SLC25A13: variants seen among roughly 807,000 people sequenced by gnomAD.
The protein encoded by SLC25A13 is solute carrier family 25 member 13.
A neutral mutation model predicts 85.5 loss-of-function variants in SLC25A13; 70 were observed. That is an observed-to-expected ratio of 0.82 (90% CI 0.68 to 1.00). SLC25A13 has a LOEUF of 1.00. SLC25A13 is among the 50% of genes least tolerant of loss of function. The probability of loss-of-function intolerance (pLI) is 0.00; values close to 1 mark genes in which losing one functional copy is unlikely to be tolerated. For synonymous variants in SLC25A13, 259 were observed against 288.7 expected, an observed-to-expected ratio of 0.90 and a Z score of 1.04; for missense variants, 765 against 819.8, an observed-to-expected ratio of 0.93 and a Z score of 0.82.
intron 15 of SLC25A13, among the ~76,000 whole-genome samples, chr7:96,123,318 T>C (rs890282364): frequency 6.6e-6 from 1 of 152,190 alleles, no homozygotes; most frequent in Non-Finnish European, 1.5e-5. Flanking sequence ...ACCCACTGTG[T>C]TCACACCACC....
At chr7:96,219,246 T>C (rs550202120) in intron 4 of SLC25A13, among the ~76,000 whole-genome samples, 38 of 152,266 alleles carry the variant, frequency 2.5e-4, no homozygotes, top group African/African-American at 8.4e-4. Context: ...TATAATCCCC[T>C]GTAAACTTTT....
At chr7:96,278,083 C>T (rs930240928) in intron 2 of SLC25A13, among the ~76,000 whole-genome samples, 29 of 152,150 alleles carry the variant, frequency 1.9e-4, no homozygotes, top group African/African-American at 7.0e-4. Flanking sequence ...CTAGGTCTGG[C>T]CTTTAATGTG....
chr7:96,132,117 C>T (rs1792059526), intron 14 of SLC25A13, among the ~76,000 whole-genome samples: 1 of 152,208 alleles, frequency 6.6e-6, no homozygotes, highest in Admixed American at 6.5e-5. Flanking sequence ...GGGCAGTTCT[C>T]ATTTATTCTA....
intron 4 of SLC25A13, among the ~76,000 whole-genome samples, chr7:96,229,031 G>T (rs566687611): frequency 6.6e-6 from 1 of 151,206 alleles, no homozygotes; most frequent in Non-Finnish European, 1.5e-5. Flanking sequence ...CCTCCCCAAC[G>T]GGTGCCGCCC....
At chr7:96,265,428 C>G (rs1356710161) in intron 3 of SLC25A13, among the ~76,000 whole-genome samples, 1 of 152,122 alleles carries the variant, frequency 6.6e-6, no homozygotes, top group Non-Finnish European at 1.5e-5. Flanking sequence ...GTCATTCTTT[C>G]AAATAAGAAT....
chr7:96,264,165 A>G (rs1197952051), intron 3 of SLC25A13, among the ~76,000 whole-genome samples: 1 of 152,042 alleles, frequency 6.6e-6, no homozygotes, highest in African/African-American at 2.4e-5. Flanking sequence ...GCTACATCCA[A>G]CCCTTACTAC....
intron 13 of SLC25A13, among the ~76,000 whole-genome samples, chr7:96,148,080 A>G (rs1275114995): frequency 1.3e-5 from 2 of 152,154 alleles, no homozygotes; most frequent in Non-Finnish European, 2.9e-5. Flanking sequence ...AACTCTCTAA[A>G]TCAAATTGTT....
intron 3 of SLC25A13, among the ~76,000 whole-genome samples, chr7:96,253,264 A>T (rs1235542481): frequency 1.3e-5 from 2 of 152,108 alleles, no homozygotes; most frequent in Non-Finnish European, 2.9e-5. Context: ...AGATGCCAGG[A>T]ATTGGGGAAG....
At chr7:96,225,518 G>C (rs970551173) in intron 4 of SLC25A13, among the ~76,000 whole-genome samples, 8 of 143,976 alleles carry the variant, frequency 5.6e-5, no homozygotes, top group Admixed American at 7.3e-5. Flanking sequence ...CTGGGTGACA[G>C]ACCTTGTTTC....
intron 1 of SLC25A13, among the ~76,000 whole-genome samples, chr7:96,309,987 A>G (rs1439706736): frequency 6.6e-6 from 1 of 152,188 alleles, no homozygotes; most frequent in East Asian, 1.9e-4. Context: ...CAGACAGAGA[A>G]GGAACCACAT....
intron 4 of SLC25A13, among the ~76,000 whole-genome samples, chr7:96,215,803 A>T (rs1386620649): frequency 6.6e-6 from 1 of 152,184 alleles, no homozygotes; most frequent in Non-Finnish European, 1.5e-5. Flanking sequence ...AACAGAAAAA[A>T]AAATAAATTA....
At chr7:96,219,514 T>C (rs1562852815) in intron 4 of SLC25A13, 1 of 330,138 alleles carries the variant, frequency 3.0e-6, no homozygotes, top group Non-Finnish European at 6.1e-6. Flanking sequence ...CTTATGAAAC[T>C]AGTCACCTTT....
intron 5 of SLC25A13, among the ~76,000 whole-genome samples, chr7:96,205,035 G>C (rs1235754372): frequency 6.6e-6 from 1 of 152,246 alleles, no homozygotes; most frequent in East Asian, 1.9e-4. Flanking sequence ...AGCCTCCCGA[G>C]TAGCTGGGAT....
chr7:96,142,183 G>A (rs1792593434), intron 14 of SLC25A13, among the ~76,000 whole-genome samples: 1 of 152,154 alleles, frequency 6.6e-6, no homozygotes, highest in Admixed American at 6.5e-5. Context: ...AGGATATATT[G>A]CATGATGCTG....
chr7:96,315,792 A>G (rs1219627575), intron 1 of SLC25A13, among the ~76,000 whole-genome samples: 1 of 152,170 alleles, frequency 6.6e-6, no homozygotes, highest in Non-Finnish European at 1.5e-5. Flanking sequence ...ATAGGGGAGA[A>G]AAAACCCTGC....
chr7:96,263,152 C>G (rs1470097799), intron 3 of SLC25A13, among the ~76,000 whole-genome samples: 1 of 152,096 alleles, frequency 6.6e-6, no homozygotes, highest in Non-Finnish European at 1.5e-5. Flanking sequence ...CCCTATCAAC[C>G]AGCAGGCACA....
chr7:96,295,787 A>G (rs1221266140), intron 2 of SLC25A13, among the ~76,000 whole-genome samples: 1 of 151,942 alleles, frequency 6.6e-6, no homozygotes, highest in Non-Finnish European at 1.5e-5. Flanking sequence ...CTCTTTCCAT[A>G]CAACTCAGCT....
intron 3 of SLC25A13, among the ~76,000 whole-genome samples, chr7:96,271,315 C>T (rs1469023509): frequency 1.3e-5 from 2 of 152,090 alleles, no homozygotes; most frequent in Non-Finnish European, 2.9e-5. Flanking sequence ...TGAACTAACA[C>T]TCTGTATCTA....
Position 96,222,132 on chromosome 7 carries a change from AG to A in SLC25A13, c.328+12669del, listed in dbSNP as rs1796153498. Reference sequence around the variant, plus strand: ...AGGCTTTATGATTCTCTCTTAGGAGAGCCCTTTTCCACATGCCACTTATTAA... The same window carrying A: ...AGGCTTTATGATTCTCTCTTAGGAGACCCTTTTCCACATGCCACTTATTAA... On this transcript the variant is annotated intron_variant, in intron 4 of 17. Transcript: ENST00000265631. Among the ~76,000 whole-genome samples, 14 of 152,318 alleles carry A rather than the reference AG, an allele frequency of 9.2e-5. No homozygotes were observed. The South Asian group carries it at 2.7e-3, about 29-fold the overall frequency.
Sources: allele counts gnomAD v4.1 joint callset (sites outside exome capture counted in the v4.1 genomes callset), GRCh38; gene constraint gnomAD v4.1.1; transcripts MANE v1.5; gene names NCBI Gene and HGNC (gene_info 2026-07-23, HGNC 2026-07-21).